BNC2: variants seen among roughly 807,000 people sequenced by gnomAD.
The protein encoded by BNC2 is zinc finger protein basonuclin-2.
Under a neutral mutation model 76.3 loss-of-function variants are expected in BNC2, and 20 were observed. The ratio of observed to expected loss-of-function variants is 0.26; its 90% confidence interval spans 0.18 to 0.38. The LOEUF is 0.38. Among genes scored for constraint, BNC2 ranks in the 10% least tolerant of loss-of-function variants. The probability of loss-of-function intolerance (pLI) is 1.00; values close to 1 mark genes in which losing one functional copy is unlikely to be tolerated. For missense variants in BNC2, 1,382 were observed against 1,399.8 expected (o/e 0.99, Z 0.20); for synonymous variants, 582 against 514.8 (o/e 1.13, Z -1.77).
intron 3 of BNC2, among the ~76,000 whole-genome samples, chr9:16,707,834 G>T (rs1169026830): frequency 6.6e-6 from 1 of 152,084 alleles, no homozygotes; most frequent in African/African-American, 2.4e-5. Flanking sequence ...GAGAGACACG[G>T]TTTCACTATG....
chr9:16,821,667 G>A (rs1818333375), intron 1 of BNC2, among the ~76,000 whole-genome samples: 1 of 152,140 alleles, frequency 6.6e-6, no homozygotes, highest in African/African-American at 2.4e-5. Flanking sequence ...GAAGAACCCA[G>A]CAGGGCGTGG....
chr9:16,530,146 A>T (rs2132213909), intron 5 of BNC2, among the ~76,000 whole-genome samples: 1 of 152,074 alleles, frequency 6.6e-6, no homozygotes, highest in South Asian at 2.1e-4. Context: ...TGGCCAAAAA[A>T]GTGAAGTGTT....
intron 5 of BNC2, among the ~76,000 whole-genome samples, chr9:16,481,049 C>A (rs1054196395): frequency 4.6e-5 from 7 of 152,188 alleles, no homozygotes; most frequent in African/African-American, 1.7e-4. Flanking sequence ...CTGTATCTAG[C>A]TCAAGGTTTG....
chr9:16,853,370 C>G (rs571615180), intron 1 of BNC2, among the ~76,000 whole-genome samples: 1 of 149,302 alleles, frequency 6.7e-6, no homozygotes, highest in Admixed American at 6.7e-5. Flanking sequence ...CATGCCACTG[C>G]ACTCCAGCCT....
intron 1 of BNC2, among the ~76,000 whole-genome samples, chr9:16,834,859 C>T (rs1818665866): frequency 6.8e-6 from 1 of 147,920 alleles, no homozygotes; most frequent in Non-Finnish European, 1.5e-5. Context: ...ATTAGTTTTG[C>T]TTTTTTTTTT....
rs10123190 is a variant in BNC2, at chr9:16,604,087, T to C, written c.331-21002A>G. Reference sequence around the variant, plus strand: ...TTATTTGATCTGGATGTTGGCAAGATAGATGTTCAATTCTCTTCGTATTGT... The same window carrying C: ...TTATTTGATCTGGATGTTGGCAAGACAGATGTTCAATTCTCTTCGTATTGT... On this transcript the variant is annotated intron_variant, in intron 3 of 6. Coordinates refer to ENST00000380672, the MANE Select transcript of BNC2 (RefSeq NM_017637.6). Among the ~76,000 whole-genome samples, 1,001 of 152,286 alleles carry C rather than the reference T, an allele frequency of 6.6e-3. 9 individuals carry two copies. Among genetic ancestry groups the C allele is most frequent in the African/African-American group, 0.022 (910 of 41,560 alleles).
intron 1 of BNC2, among the ~76,000 whole-genome samples, chr9:16,783,850 T>G (rs1373582279): frequency 2.0e-5 from 3 of 152,208 alleles, no homozygotes; most frequent in Non-Finnish European, 4.4e-5. Context: ...GACAACCCAA[T>G]TAGCCAAAAC....
At chr9:16,670,828 C>G (rs1331121532) in intron 3 of BNC2, among the ~76,000 whole-genome samples, 3 of 152,090 alleles carry the variant, frequency 2.0e-5, no homozygotes, top group Non-Finnish European at 4.4e-5. Flanking sequence ...GCTTTTAGAC[C>G]AAAACCAAAA....
chr9:16,792,539 T>C (rs1410162530), intron 1 of BNC2, among the ~76,000 whole-genome samples: 1 of 152,220 alleles, frequency 6.6e-6, no homozygotes, highest in Non-Finnish European at 1.5e-5. Context: ...ATGCACAATA[T>C]GCAGAGATCT....
At chr9:16,421,683 A>G (rs1820713009) in intron 6 of BNC2, among the ~76,000 whole-genome samples, 1 of 152,204 alleles carries the variant, frequency 6.6e-6, no homozygotes, top group Non-Finnish European at 1.5e-5. Flanking sequence ...CAGATGGCAG[A>G]TGACTCCAAG....
intron 3 of BNC2, among the ~76,000 whole-genome samples, chr9:16,686,598 TTTTC>T (rs1026885901): frequency 1.3e-5 from 2 of 152,160 alleles, no homozygotes; most frequent in Non-Finnish European, 2.9e-5. Flanking sequence ...CTCTGTTTTG[TTTTC>T]TTTGACTTTT....
intron 3 of BNC2, among the ~76,000 whole-genome samples, chr9:16,597,791 G>T (rs1820133380): frequency 6.6e-6 from 1 of 151,902 alleles, no homozygotes; most frequent in Non-Finnish European, 1.5e-5. Flanking sequence ...TACAAAGCTA[G>T]TTGTGATTTA....
intron 1 of BNC2, among the ~76,000 whole-genome samples, chr9:16,757,609 C>T (rs905999833): frequency 4.0e-5 from 6 of 151,554 alleles, no homozygotes; most frequent in African/African-American, 1.2e-4. Flanking sequence ...TTAACAACAA[C>T]ATTAACAATA....
intron 3 of BNC2, among the ~76,000 whole-genome samples, chr9:16,584,058 T>C (rs1428669436): frequency 6.6e-6 from 1 of 152,230 alleles, no homozygotes; most frequent in Admixed American, 6.5e-5. Context: ...TTAATTCTAA[T>C]TTGCATAGAA....
At chr9:16,769,710 G>A (rs886655115) in intron 1 of BNC2, among the ~76,000 whole-genome samples, 1 of 152,212 alleles carries the variant, frequency 6.6e-6, no homozygotes, top group African/African-American at 2.4e-5. Flanking sequence ...CCAGCTTAAT[G>A]TAAAGAGCAA....
At chr9:16,577,242 T>C (rs1341402976) in intron 4 of BNC2, among the ~76,000 whole-genome samples, 5 of 152,196 alleles carry the variant, frequency 3.3e-5, no homozygotes, top group Non-Finnish European at 7.4e-5. Flanking sequence ...TCAAAAATTC[T>C]ATATTTTCTA....
At chr9:16,855,345 T>G (rs1270523407) in intron 1 of BNC2, among the ~76,000 whole-genome samples, 1 of 152,230 alleles carries the variant, frequency 6.6e-6, no homozygotes, top group Non-Finnish European at 1.5e-5. Flanking sequence ...GGATGACAGC[T>G]TCTACTTCAT....
chr9:16,862,869 T>C (rs1457144768), intron 1 of BNC2, among the ~76,000 whole-genome samples: 1 of 151,284 alleles, frequency 6.6e-6, no homozygotes, highest in Non-Finnish European at 1.5e-5. Flanking sequence ...TCACCAGCCT[T>C]AGATGACCAC....
rs184013897 is a variant in BNC2, at chr9:16,440,213, T to C, written c.670-2689A>G. On this transcript the variant is annotated intron_variant, in intron 5 of 6. Coordinates refer to ENST00000380672, the MANE Select transcript of BNC2 (RefSeq NM_017637.6). ...GTTGTTAAGGCTGTCAAGATACTAA[T>C]TGAAGGCCCAGGAGTTGAACACAAA... Among the ~76,000 whole-genome samples the C allele has an allele frequency of 7.6e-3, 1,150 of 152,268 alleles. 11 individuals are homozygous for C. The highest frequency in any genetic ancestry group is 0.013 in the Admixed American group (198 of 15,292).
Sources: allele counts gnomAD v4.1 joint callset (sites outside exome capture counted in the v4.1 genomes callset), GRCh38; gene constraint gnomAD v4.1.1; transcripts MANE v1.5; gene names NCBI Gene and HGNC (gene_info 2026-07-23, HGNC 2026-07-21).